SYT2: variants seen among roughly 807,000 people sequenced by gnomAD.
SYT2 encodes the protein synaptotagmin-2.
Under a neutral mutation model 39.9 loss-of-function variants are expected in SYT2, and 15 were observed. That is an observed-to-expected ratio of 0.38 (90% confidence interval 0.25 to 0.58). SYT2 has a LOEUF of 0.58. Ranked by LOEUF, SYT2 falls within the 20% of genes least tolerant of loss-of-function variation. The pLI is 0.70. For synonymous variants in SYT2, 181 were observed against 204.5 expected (o/e 0.89, Z 0.98); for missense variants, 389 against 530.3 (o/e 0.73, Z 2.62).
intron 1 of SYT2, among the ~76,000 whole-genome samples, chr1:202,662,624 C>T (rs1443013728): frequency 6.6e-6 from 1 of 152,200 alleles, no homozygotes; most frequent in Non-Finnish European, 1.5e-5. Context: ...GGTGAGTGCA[C>T]ATGTCCCTAA....
intron 1 of SYT2, among the ~76,000 whole-genome samples, chr1:202,704,015 C>T (rs1476897493): frequency 6.6e-6 from 1 of 152,210 alleles, no homozygotes; most frequent in Admixed American, 6.5e-5. Flanking sequence ...CTGAGAGGCA[C>T]CTGACAAATG....
chr1:202,641,321 G>A lies in SYT2; in HGVS notation c.-17-35532C>T, dbSNP rs1340439770. On this transcript the variant is annotated intron_variant, in intron 1 of 8. Coordinates refer to ENST00000367268, the MANE Select transcript of SYT2 (RefSeq NM_177402.5). Reference sequence around the variant, plus strand: ...CCACCTGCTCCCATCACCCAGCCAAGCCCACTTCCTGGACTCAGACACCAG... The same window carrying A: ...CCACCTGCTCCCATCACCCAGCCAAACCCACTTCCTGGACTCAGACACCAG... 2.6e-5 allele frequency among the ~76,000 whole-genome samples: 4 copies of A among 152,328 alleles called. No homozygotes were observed. In the East Asian group the frequency reaches 7.7e-4, roughly 29 times the overall value.
chr1:202,663,309 G>C (rs546703408), intron 1 of SYT2, among the ~76,000 whole-genome samples: 4 of 152,328 alleles, frequency 2.6e-5, no homozygotes, highest in Admixed American at 2.0e-4. Context: ...AGCCATTCTA[G>C]CATGGACATT....
At chr1:202,658,507 C>T (rs560472514) in intron 1 of SYT2, among the ~76,000 whole-genome samples, 13 of 152,206 alleles carry the variant, frequency 8.5e-5, no homozygotes, top group Admixed American at 3.9e-4. Flanking sequence ...CCCCACTCCC[C>T]GCCTCTGGCC....
intron 1 of SYT2, among the ~76,000 whole-genome samples, chr1:202,645,377 C>T (rs1358853306): frequency 6.6e-6 from 1 of 152,216 alleles, no homozygotes; most frequent in Non-Finnish European, 1.5e-5. Context: ...CTCCCCCAAA[C>T]CTTCTTTTGC....
At chr1:202,705,242 G>A (rs1339096429) in intron 1 of SYT2, among the ~76,000 whole-genome samples, 1 of 152,234 alleles carries the variant, frequency 6.6e-6, no homozygotes, top group African/African-American at 2.4e-5. Flanking sequence ...AACTTCTCTG[G>A]GCCTTTGCCC....
chr1:202,644,829 C>T (rs1692044758), intron 1 of SYT2, among the ~76,000 whole-genome samples: 1 of 152,126 alleles, frequency 6.6e-6, no homozygotes, highest in Non-Finnish European at 1.5e-5. Context: ...CCCTTCTTCC[C>T]CTCCTCCAGG....
At chr1:202,690,158 C>A (rs1378738156) in intron 1 of SYT2, among the ~76,000 whole-genome samples, 1 of 152,122 alleles carries the variant, frequency 6.6e-6, no homozygotes, top group African/African-American at 2.4e-5. Flanking sequence ...CTCCTACACC[C>A]CACCCACCCA....
At chr1:202,603,215 G>A (rs1218751960) in intron 3 of SYT2, 97 bp from the exon 4 acceptor site, 5 of 1,505,798 alleles carry the variant, frequency 3.3e-6, no homozygotes, top group Non-Finnish European at 4.5e-6. Flanking sequence ...CTCTGTGGTA[G>A]ACCCTGACTC....
chr1:202,647,482 A>C (rs1572656217), intron 1 of SYT2, among the ~76,000 whole-genome samples: 1 of 150,502 alleles, frequency 6.6e-6, no homozygotes. Context: ...CTCCATGAGC[A>C]CCCCCAACAG....
rs543898042 is a variant in SYT2, at chr1:202,599,185, T to G, written c.1053+33A>C. The stretch of plus-strand genomic sequence containing the variant: ...CATACATGTTTGCCTCCCCAAACCC[T>G]GCTCCATGCCTAGGAACCCAGGGCT... On this transcript the variant is annotated intron_variant, in intron 8 of 8. Transcript: ENST00000367268. This position sits in a 1 kb window ranked among gnomAD's most constrained non-coding sequence, Gnocchi z 4.4. 2.5e-6 allele frequency: 4 copies of G among 1,611,212 alleles called. No homozygotes were observed. The highest frequency in any genetic ancestry group is 3.4e-6 in the Non-Finnish European group (4 of 1,178,948).
intron 1 of SYT2, among the ~76,000 whole-genome samples, chr1:202,643,792 G>A (rs1170605113): frequency 6.6e-6 from 1 of 152,086 alleles, no homozygotes; most frequent in Non-Finnish European, 1.5e-5. Flanking sequence ...GGCCGGCTCC[G>A]AGCCCCCGGA....
At chr1:202,619,856 C>T (rs888929917) in intron 1 of SYT2, among the ~76,000 whole-genome samples, 16 of 152,266 alleles carry the variant, frequency 1.1e-4, no homozygotes, top group Admixed American at 7.2e-4. Flanking sequence ...GTTTGATGAG[C>T]GCACAGATGT....
intron 1 of SYT2, among the ~76,000 whole-genome samples, chr1:202,608,140 A>G (rs1471532392): frequency 2.0e-5 from 3 of 152,154 alleles, no homozygotes; most frequent in Non-Finnish European, 2.9e-5. Context: ...TTTCCTATCA[A>G]TGGAATTATA....
intron 1 of SYT2, among the ~76,000 whole-genome samples, chr1:202,678,345 CCTTT>C (rs1325611329): frequency 1.4e-5 from 2 of 147,726 alleles, no homozygotes; most frequent in Non-Finnish European, 3.0e-5. Flanking sequence ...GCTCTGTTAA[CCTTT>C]CTAAATTTTT....
At chr1:202,706,248 C>T (rs148619760) in intron 1 of SYT2, among the ~76,000 whole-genome samples, 1 of 152,020 alleles carries the variant, frequency 6.6e-6, no homozygotes, top group African/African-American at 2.4e-5. Context: ...AAACCGTCTT[C>T]GAGTGAGGGG....
At chr1:202,618,780 G>A (rs1207316428) in intron 1 of SYT2, among the ~76,000 whole-genome samples, 1 of 152,110 alleles carries the variant, frequency 6.6e-6, no homozygotes, top group African/African-American at 2.4e-5. Flanking sequence ...CATTTTCCCT[G>A]GGAGACACGC....
intron 1 of SYT2, among the ~76,000 whole-genome samples, chr1:202,653,971 A>G (rs1395637037): frequency 1.3e-5 from 2 of 152,158 alleles, no homozygotes; most frequent in Non-Finnish European, 2.9e-5. Context: ...GGTCAATGAG[A>G]GATGCAAAGT....
chr1:202,602,263 A>G, intron 5 of SYT2, 115 bp downstream of exon 5: 1 of 1,307,290 alleles, frequency 7.6e-7, no homozygotes, highest in East Asian at 2.3e-5. Context: ...CCTGCAGTCA[A>G]GGCTGCCATT....
Sources: allele counts gnomAD v4.1 joint callset (sites outside exome capture counted in the v4.1 genomes callset), GRCh38; gene constraint gnomAD v4.1.1; non-coding constraint Gnocchi (gnomAD v3.1); transcripts MANE v1.5; gene names NCBI Gene and HGNC (gene_info 2026-07-23, HGNC 2026-07-21).